The following COL27A1 variants were observed in gnomAD, a reference collection of about 807,000 sequenced individuals.
The protein encoded by COL27A1 is collagen alpha-1(XXVII) chain.
A neutral mutation model predicts 251.3 loss-of-function variants in COL27A1; 106 were observed. The ratio of observed to expected loss-of-function variants is 0.42; its 90% CI spans 0.36 to 0.50. The LOEUF is 0.50. Ranked by LOEUF, COL27A1 falls within the 20% of genes least tolerant of loss-of-function variation. COL27A1 has a pLI of 0.00. For synonymous variants in COL27A1, 1,000 were observed against 986.3 expected (o/e 1.01, Z -0.26); for missense variants, 2,325 against 2,522.8 (o/e 0.92, Z 1.68).
chr9:114,299,120 C>T (rs987254320), intron 49 of COL27A1, among the ~76,000 whole-genome samples: 7 of 152,092 alleles, frequency 4.6e-5, no homozygotes, highest in Non-Finnish European at 1.0e-4. Context: ...GGGACCCTCC[C>T]GAAGCCTGAC....
chr9:114,171,625 G>T (rs565223781), intron 3 of COL27A1, among the ~76,000 whole-genome samples: 1 of 151,988 alleles, frequency 6.6e-6, no homozygotes, highest in African/African-American at 2.4e-5. Context: ...CACTATGTCC[G>T]GCTAATTTTT....
At chr9:114,279,107 A>G (rs1835750994) in intron 37 of COL27A1, among the ~76,000 whole-genome samples, 1 of 152,212 alleles carries the variant, frequency 6.6e-6, no homozygotes, top group Admixed American at 6.5e-5. Flanking sequence ...GGGATCAGTC[A>G]GCCATTGCCG....
intron 3 of COL27A1, among the ~76,000 whole-genome samples, 156 bp from the exon 4 acceptor site, chr9:114,178,135 A>C (rs1166603356): frequency 6.6e-6 from 1 of 152,244 alleles, no homozygotes; most frequent in Non-Finnish European, 1.5e-5. Context: ...CCCAAAGAGC[A>C]TGAATTTCTC....
intron 5 of COL27A1, among the ~76,000 whole-genome samples, chr9:114,184,500 A>T (rs919886341): frequency 7.2e-5 from 11 of 151,864 alleles, no homozygotes; most frequent in African/African-American, 2.4e-4. Context: ...TAGATCTGTG[A>T]CTCTACGTCC....
In COL27A1 at chr9:114,290,940, T is replaced by TA. The variant is rs1470100935; in HGVS notation, c.4476+24dup. ...AAGGTCAGATACCTCTTAATACACT[T>TA]ACCCACCCTCTGCCCTTTCTGCCTT... On this transcript the variant is annotated intron_variant, in intron 48 of 60. Coordinates refer to ENST00000356083, the MANE Select transcript of COL27A1 (RefSeq NM_032888.4). This position sits in a 1 kb window ranked among gnomAD's most constrained non-coding sequence, Gnocchi z 4.6. The TA allele has an allele frequency of 3.3e-6, 5 of 1,507,312 alleles. No homozygotes were observed. The highest frequency in any genetic ancestry group is 4.5e-6 in the Non-Finnish European group (5 of 1,109,106). The allele number at this position is 1,507,312 out of a possible 1,614,324, so 93.4% of individuals were successfully genotyped here.
rs2636879 is a variant in COL27A1 at position 114,282,258 on chromosome 9, G to T, written c.3718-19G>T. 560,762 of 1,607,638 alleles carry T rather than the reference G, an allele frequency of 0.35. 99,686 individuals are homozygous for T. Among genetic ancestry groups the T allele is most frequent in the Non-Finnish European group, 0.37 (429,000 of 1,174,588 alleles). On this transcript the variant is annotated intron_variant, in intron 37 of 60. Coordinates refer to ENST00000356083, the MANE Select transcript of COL27A1 (RefSeq NM_032888.4). ...TCTTCTCTCATCTTTCTCTTGCTCTGTCCCTCCTCTCTCTTCAGGGTCCTG... is the reference window on the plus strand; with the variant it reads ...TCTTCTCTCATCTTTCTCTTGCTCTTTCCCTCCTCTCTCTTCAGGGTCCTG...
At chr9:114,245,161 T>TTTG (rs1833039247) in intron 23 of COL27A1, among the ~76,000 whole-genome samples, 1 of 142,360 alleles carries the variant, frequency 7.0e-6, no homozygotes, top group African/African-American at 2.6e-5. Flanking sequence ...TTTTTTTTTT[T>TTTG]TTTTTTTTTT....
intron 5 of COL27A1, among the ~76,000 whole-genome samples, chr9:114,187,788 A>G (rs1214733560): frequency 2.0e-5 from 3 of 152,272 alleles, no homozygotes; most frequent in African/African-American, 7.2e-5. Flanking sequence ...CATGCTTTAT[A>G]TAACTTACTC....
chr9:114,161,901 G>T (rs730619), intron 1 of COL27A1, among the ~76,000 whole-genome samples: 1 of 152,028 alleles, frequency 6.6e-6, no homozygotes, highest in African/African-American at 2.4e-5. Flanking sequence ...TATTTTTGTG[G>T]CTGGCAGCAG....
At chr9:114,287,503 G>GC (rs577582000) in intron 41 of COL27A1, among the ~76,000 whole-genome samples, 166 of 151,692 alleles carry the variant, frequency 1.1e-3, no homozygotes, top group Non-Finnish European at 2.0e-3. Flanking sequence ...ACTCTGTTCC[G>GC]CCCCCCCCAC....
At chr9:114,244,549 AC>A (rs1832981188) in intron 23 of COL27A1, among the ~76,000 whole-genome samples, 1 of 152,120 alleles carries the variant, frequency 6.6e-6, no homozygotes, top group Admixed American at 6.5e-5. Context: ...AGATGGGCAA[AC>A]CCACAGGAGG....
At chr9:114,214,584 G>T (rs748920002) in intron 12 of COL27A1, among the ~76,000 whole-genome samples, 1 of 152,212 alleles carries the variant, frequency 6.6e-6, no homozygotes, top group Non-Finnish European at 1.5e-5. Context: ...CAGATAAGCA[G>T]ACATAGCCCA....
At chr9:114,261,508 G>A (rs1401158230) in intron 28 of COL27A1, among the ~76,000 whole-genome samples, 1 of 152,176 alleles carries the variant, frequency 6.6e-6, no homozygotes, top group African/African-American at 2.4e-5. Flanking sequence ...CTGTGGGGCT[G>A]GGGAGACAGG....
chr9:114,211,112 G>A, intron 12 of COL27A1, 86 bp downstream of exon 12: 2 of 1,350,444 alleles, frequency 1.5e-6, no homozygotes, highest in African/African-American at 1.4e-5. Flanking sequence ...CTGCTGCCTG[G>A]CATCTTCTGC....
chr9:114,262,192 G>A (rs924825687), intron 28 of COL27A1, among the ~76,000 whole-genome samples: 15 of 152,150 alleles, frequency 9.9e-5, no homozygotes, highest in South Asian at 2.1e-4. Flanking sequence ...CTCCAGCTCC[G>A]CCAGGCCTGT....
intron 12 of COL27A1, chr9:114,218,233 G>A: frequency 5.7e-6 from 1 of 175,254 alleles, no homozygotes; most frequent in South Asian, 1.3e-4. Flanking sequence ...TTTACCAGGG[G>A]AGACCCTAAA....
At chr9:114,217,006 A>C (rs1003140198) in intron 12 of COL27A1, among the ~76,000 whole-genome samples, 2 of 152,160 alleles carry the variant, frequency 1.3e-5, no homozygotes, top group Non-Finnish European at 2.9e-5. Flanking sequence ...CTGCTATGCC[A>C]GGGCTGTGTG....
Position 114,304,475 on chromosome 9 carries a change from G to C in COL27A1, c.4873-133G>C, listed in dbSNP as rs1000139138. On this transcript the variant is annotated intron_variant, in intron 56 of 60. Transcript: ENST00000356083. Reference sequence around the variant, plus strand: ...CTTTGACTGTCTGCAAAGAGAGGAAGGACCGAGAGTTCTGCAGAGGGCATA... The same window carrying C: ...CTTTGACTGTCTGCAAAGAGAGGAACGACCGAGAGTTCTGCAGAGGGCATA... The C allele has an allele frequency of 1.1e-5, 8 of 738,828 alleles. No homozygotes were observed. In the Admixed American group the frequency reaches 1.7e-4, roughly 15 times the overall value. 45.8% of individuals were successfully genotyped at this position (738,828 alleles called of 1,614,324 possible). A position where few individuals can be genotyped will look rare whatever the true frequency, so the allele number is the denominator to read the frequency against.
chr9:114,237,593 G>A, intron 18 of COL27A1, 69 bp from the exon 19 acceptor site: 1 of 1,287,968 alleles, frequency 7.8e-7, no homozygotes, highest in Non-Finnish European at 1.1e-6. Context: ...AACCAGCGGG[G>A]GAACGCAGGG....
Sources: gnomAD v4.1 joint callset for allele counts (sites outside exome capture counted in the v4.1 genomes callset) on GRCh38, gnomAD v4.1.1 for gene constraint, Gnocchi (gnomAD v3.1) non-coding constraint, MANE v1.5 for transcripts, NCBI Gene and HGNC (gene_info 2026-07-23, HGNC 2026-07-21) for gene names.